The following PSD3 variants were observed in gnomAD, a reference collection of about 807,000 sequenced individuals.
PSD3 encodes PH and SEC7 domain-containing protein 3.
Under a neutral mutation model 105.5 loss-of-function variants are expected in PSD3, and 49 were observed. The ratio of observed to expected loss-of-function variants is 0.46; its 90% CI spans 0.37 to 0.59. PSD3 has a LOEUF of 0.59. Among genes scored for constraint, PSD3 ranks in the 20% least tolerant of loss-of-function variants. The probability of loss-of-function intolerance (pLI) is 0.00; values close to 1 mark genes in which losing one functional copy is unlikely to be tolerated. For synonymous variants in PSD3, 557 were observed against 457.8 expected (o/e 1.22, Z -2.77); for missense variants, 1,561 against 1,263.8 (o/e 1.24, Z -3.57).
chr8:18,553,096 T>C (rs1031567693), intron 15 of PSD3, among the ~76,000 whole-genome samples: 2 of 152,200 alleles, frequency 1.3e-5, no homozygotes, highest in African/African-American at 4.8e-5. Flanking sequence ...TTTAAACAAC[T>C]GGAATGCATA....
intron 4 of PSD3, among the ~76,000 whole-genome samples, chr8:18,837,343 C>G (rs1050383949): frequency 6.6e-6 from 1 of 152,148 alleles, no homozygotes; most frequent in African/African-American, 2.4e-5. Flanking sequence ...CAAGCCAATA[C>G]TATGACACCA....
intron 8 of PSD3, among the ~76,000 whole-genome samples, chr8:18,766,843 C>T (rs759167568): frequency 5.3e-5 from 8 of 152,216 alleles, no homozygotes; most frequent in Non-Finnish European, 1.2e-4. Context: ...GCCACCTGCA[C>T]ATGCAGTGTG....
intron 8 of PSD3, among the ~76,000 whole-genome samples, chr8:18,766,116 T>G (rs1806976600): frequency 6.6e-6 from 1 of 152,148 alleles, no homozygotes; most frequent in Admixed American, 6.5e-5. Context: ...CGTGGATTAC[T>G]TGAGGTCAAG....
intron 1 of PSD3, among the ~76,000 whole-genome samples, chr8:19,036,717 A>T (rs1377232811): frequency 6.6e-6 from 1 of 152,156 alleles, no homozygotes; most frequent in Non-Finnish European, 1.5e-5. Context: ...GACCAGATTC[A>T]TGAACCCCAG....
chr8:19,017,640 C>T (rs762398528), upstream of PSD3, among the ~76,000 whole-genome samples: 1 of 152,200 alleles, frequency 6.6e-6, no homozygotes, highest in Non-Finnish European at 1.5e-5. Flanking sequence ...CTGGACATTT[C>T]ATATAAATGG....
rs1396646575 is a variant in PSD3 at position 18,755,487 on chromosome 8, A to ATAAC, written c.2172+9961_2172+9962insGTTA. 1.2e-3 allele frequency among the ~76,000 whole-genome samples: 96 copies of ATAAC among 80,814 alleles called. 1 individual carries two copies. Among genetic ancestry groups the ATAAC allele is most frequent in the African/African-American group, 2.6e-3 (58 of 22,576 alleles). 53.0% of individuals were successfully genotyped at this position (80,814 alleles called of 152,430 possible). ...CATAACATAACATAACATAACATAAAAATGCTCCAAACATACAAACATTCA... is the reference window on the plus strand; with the variant it reads ...CATAACATAACATAACATAACATAAATAACAATGCTCCAAACATACAAACATTCA... On this transcript the variant is annotated intron_variant, in intron 9 of 15. Coordinates refer to ENST00000327040, the MANE Select transcript of PSD3 (RefSeq NM_015310.4).
chr8:19,031,502 T>C (rs1827767946), intron 1 of PSD3, among the ~76,000 whole-genome samples: 1 of 152,180 alleles, frequency 6.6e-6, no homozygotes, highest in South Asian at 2.1e-4. Flanking sequence ...AGTCCTTCTA[T>C]AATATTTTCT....
Position 18,575,278 on chromosome 8 carries a change from T to G in PSD3, c.2489A>C (p.Tyr830Ser), listed in dbSNP as rs200826970. The G allele has an allele frequency of 2.3e-5, 37 of 1,604,732 alleles. No individual in the cohort carries two copies. Among genetic ancestry groups the G allele is most frequent in the Non-Finnish European group, 3.0e-5 (35 of 1,175,596 alleles). The part of the protein sequence containing the change: ...GTVLYLQKDE[Y>S]KPEKALSEED... Reference sequence around the variant, plus strand: ...TTCAGACAAGGCCTTTTCTGGCTTGTATTCATCCTATAGATGGACACAAAG... The same window carrying G: ...TTCAGACAAGGCCTTTTCTGGCTTGGATTCATCCTATAGATGGACACAAAG... The change falls in exon 13 of 16, where the codon TAC (tyrosine) becomes TCC (serine). Residue 830 changes from tyrosine to serine, a missense_variant. By Grantham distance (144) the Tyr-to-Ser change is moderately radical (BLOSUM62 -2). Coordinates refer to ENST00000327040, the MANE Select transcript of PSD3 (RefSeq NM_015310.4).
At chr8:18,541,124 C>T (rs1218942303) in intron 15 of PSD3, among the ~76,000 whole-genome samples, 1 of 150,536 alleles carries the variant, frequency 6.6e-6, no homozygotes, top group Non-Finnish European at 1.5e-5. Flanking sequence ...TTCCTTAGCA[C>T]TTCTCCCCAT....
chr8:18,636,106 G>A (rs185790210), intron 10 of PSD3, among the ~76,000 whole-genome samples: 143 of 152,226 alleles, frequency 9.4e-4, no homozygotes, highest in African/African-American at 1.6e-3. Flanking sequence ...CTTCATGCAC[G>A]CCCCTGAAGA....
chr8:18,918,855 G>C (rs910895964), intron 2 of PSD3, among the ~76,000 whole-genome samples: 4 of 152,008 alleles, frequency 2.6e-5, no homozygotes, highest in African/African-American at 9.7e-5. Context: ...CCTTTCCCTG[G>C]TTCCCACCAT....
At chr8:18,920,747 C>T (rs1436898903) in intron 2 of PSD3, among the ~76,000 whole-genome samples, 6 of 152,114 alleles carry the variant, frequency 3.9e-5, no homozygotes, top group African/African-American at 1.2e-4. Context: ...GTGGTACTAT[C>T]CCAGGGACTA....
intron 9 of PSD3, among the ~76,000 whole-genome samples, chr8:18,731,178 C>T (rs998201066): frequency 6.6e-6 from 1 of 152,162 alleles, no homozygotes; most frequent in Non-Finnish European, 1.5e-5. Flanking sequence ...ATCGCTTGAA[C>T]CCGGGAAGCG....
At chr8:18,790,305 CTTTTT>C (rs772350691) in intron 8 of PSD3, among the ~76,000 whole-genome samples, 2 of 133,400 alleles carry the variant, frequency 1.5e-5, no homozygotes, top group Non-Finnish European at 3.2e-5. Flanking sequence ...TTTTTCTTTT[CTTTTT>C]TTTTTTTTTT....
chr8:18,780,575 C>T lies in PSD3; in HGVS notation c.2083-15037G>A, dbSNP rs986235935. On this transcript the variant is annotated intron_variant, in intron 8 of 15. Transcript: ENST00000327040. ...TTATTTATTTATTTTTTTGTGAGAC[C>T]GACACTCACTCTGTTGCCCAGGCTG... Among the ~76,000 whole-genome samples the T allele has an allele frequency of 4.6e-5, 7 of 151,624 alleles. No individual in the cohort carries two copies. The East Asian group carries it at 5.8e-4, about 13-fold the overall frequency.
intron 9 of PSD3, among the ~76,000 whole-genome samples, chr8:18,693,337 G>A (rs1435241499): frequency 1.3e-5 from 2 of 152,186 alleles, no homozygotes; most frequent in African/African-American, 4.8e-5. Context: ...CAGCACATAA[G>A]GCGGCAGCAA....
intron 9 of PSD3, among the ~76,000 whole-genome samples, chr8:18,709,922 T>G (rs1353787691): frequency 6.6e-6 from 1 of 151,922 alleles, no homozygotes; most frequent in African/African-American, 2.4e-5. Flanking sequence ...TAAAAAGAAA[T>G]AGGGTGCCTC....
At chr8:18,990,024 T>C (rs1825706712) in intron 1 of PSD3, among the ~76,000 whole-genome samples, 1 of 144,774 alleles carries the variant, frequency 6.9e-6, no homozygotes, top group Non-Finnish European at 1.5e-5. Context: ...CCATCAATCA[T>C]CAGGTTCTGT....
intron 12 of PSD3, among the ~76,000 whole-genome samples, chr8:18,577,380 A>G (rs1489681772): frequency 6.6e-6 from 1 of 152,038 alleles, no homozygotes; most frequent in Non-Finnish European, 1.5e-5. Context: ...TCTTTGAGGA[A>G]TGAATGTGTC....
Sources: allele counts gnomAD v4.1 joint callset (sites outside exome capture counted in the v4.1 genomes callset), GRCh38; gene constraint gnomAD v4.1.1; transcripts MANE v1.5; gene names NCBI Gene and HGNC (gene_info 2026-07-23, HGNC 2026-07-21).